Variants in ARIH2 observed in about 807,000 individuals in gnomAD.
The protein encoded by ARIH2 is ariadne RBR E3 ubiquitin protein ligase 2.
ARIH2 carries 12 observed loss-of-function variants against 79.8 expected under a neutral mutation model. The observed-to-expected ratio is 0.15, with a 90% CI of 0.10 to 0.24. ARIH2 has a LOEUF of 0.24. Ranked by LOEUF, ARIH2 falls within the 10% of genes least tolerant of loss-of-function variation. The probability of loss-of-function intolerance (pLI) is 1.00; values close to 1 mark genes in which losing one functional copy is unlikely to be tolerated. For missense variants in ARIH2, 301 were observed against 618.3 expected, an observed-to-expected ratio of 0.49 and a Z score of 5.44; for synonymous variants, 224 against 213.9, an observed-to-expected ratio of 1.05 and a Z score of -0.41.
At chr3:48,959,691 T>C (rs1241474562) in intron 3 of ARIH2, among the ~76,000 whole-genome samples, 1 of 140,830 alleles carries the variant, frequency 7.1e-6, no homozygotes, top group Non-Finnish European at 1.5e-5. Context: ...GAAAATACAG[T>C]GGCAGCATGC....
intron 5 of ARIH2, among the ~76,000 whole-genome samples, 196 bp from the exon 6 acceptor site, chr3:48,966,929 C>T (rs529746086): frequency 6.6e-6 from 1 of 152,168 alleles, no homozygotes; most frequent in East Asian, 1.9e-4. Flanking sequence ...GCCCAGCTGC[C>T]ACCTCCTTCA....
At chr3:48,958,812 C>T (rs2090910650) in intron 3 of ARIH2, among the ~76,000 whole-genome samples, 1 of 152,060 alleles carries the variant, frequency 6.6e-6, no homozygotes, top group South Asian at 2.1e-4. Flanking sequence ...CTTAGGAGTT[C>T]AGGACTGAAC....
intron 2 of ARIH2, among the ~76,000 whole-genome samples, chr3:48,924,316 G>A (rs560613602): frequency 1.3e-4 from 20 of 151,560 alleles, no homozygotes; most frequent in African/African-American, 4.8e-4. Flanking sequence ...ACTGTACGTG[G>A]GCCTTTTTTT....
At chr3:48,961,743 T>C in intron 4 of ARIH2, 64 bp downstream of exon 4, 1 of 1,133,868 alleles carries the variant, frequency 8.8e-7, no homozygotes. Flanking sequence ...GTGATTATTG[T>C]TTACATTTTG....
chr3:48,928,067 A>T, intron 3 of ARIH2: 1 of 470,904 alleles, frequency 2.1e-6, no homozygotes, highest in Non-Finnish European at 3.8e-6. Context: ...AAGATGTACC[A>T]TACCAGAAAT....
intron 3 of ARIH2, chr3:48,934,647 T>G (rs2086869686): frequency 1.0e-6 from 1 of 985,332 alleles, no homozygotes; most frequent in Non-Finnish European, 1.2e-6. Flanking sequence ...TTTCACAGTG[T>G]TTTAGTCCAG....
At chr3:48,978,421 ATGTGTGTG>A (rs1188251261) in intron 11 of ARIH2, among the ~76,000 whole-genome samples, 923 of 55,604 alleles carry the variant, frequency 0.017, 5 homozygotes, top group East Asian at 0.06. Context: ...TAATTTGTGT[ATGTGTGTG>A]TGTGTGTGTG....
chr3:48,967,256 C>T lies in ARIH2; in HGVS notation c.519C>T (p.Val173=), dbSNP rs1311715483. ...GGGAGCAGCACTGCTCAGTTCTCGT[C>T]AAGGACGGCGTGGGCGTGGGTGAGT... ...SCWEQHCSVL[V]KDGVGVGVSC... Residue 173 remains valine (V), a synonymous_variant, in exon 6 of 16, where the codon GTC becomes GTT. Transcript: ENST00000356401. 2.5e-6 allele frequency: 4 copies of T among 1,614,156 alleles called. No homozygotes were observed. Among genetic ancestry groups the T allele is most frequent in the Middle Eastern group, 1.6e-4 (1 of 6,062 alleles).
At chr3:48,980,166 A>G (rs2092699388) in intron 12 of ARIH2, 187 bp from the exon 13 acceptor site, 1 of 538,352 alleles carries the variant, frequency 1.9e-6, no homozygotes, top group South Asian at 2.6e-5. Flanking sequence ...ATCTGGCAGT[A>G]AGCATACAGC....
chr3:48,927,956 AT>A, intron 3 of ARIH2, 143 bp downstream of exon 3: 1 of 979,128 alleles, frequency 1.0e-6, no homozygotes, highest in East Asian at 2.5e-5. Flanking sequence ...TCATTTGGAC[AT>A]TTTGTTACAT....
intron 4 of ARIH2, among the ~76,000 whole-genome samples, chr3:48,963,361 T>C (rs1316174825): frequency 6.6e-6 from 1 of 152,168 alleles, no homozygotes; most frequent in African/African-American, 2.4e-5. Context: ...TGGCAAAAGA[T>C]ACTTAAAATA....
chr3:48,937,410 A>C (rs2087314365), intron 3 of ARIH2, among the ~76,000 whole-genome samples: 1 of 151,880 alleles, frequency 6.6e-6, no homozygotes. Flanking sequence ...GTTTACATGA[A>C]TCCCTCCCTG....
chr3:48,933,573 G>A (rs542614500), intron 3 of ARIH2, among the ~76,000 whole-genome samples: 12 of 140,574 alleles, frequency 8.5e-5, no homozygotes, highest in Non-Finnish European at 1.1e-4. Flanking sequence ...TAGTTGAGAC[G>A]GACTCTCGCT....
intron 3 of ARIH2, chr3:48,949,037 A>G: frequency 2.2e-6 from 1 of 456,680 alleles, no homozygotes; most frequent in Non-Finnish European, 4.4e-6. Flanking sequence ...GGCTTAATAT[A>G]GCCATGTGTT....
At chr3:48,983,063 A>G in intron 15 of ARIH2, 84 bp downstream of exon 15, 1 of 1,500,194 alleles carries the variant, frequency 6.7e-7, no homozygotes, top group South Asian at 1.1e-5. Flanking sequence ...TGGCTTGTGC[A>G]CTGGTAGCTG....
At chr3:48,976,155 G>A (rs985809818) in intron 11 of ARIH2, among the ~76,000 whole-genome samples, 2 of 146,294 alleles carry the variant, frequency 1.4e-5, no homozygotes, top group Admixed American at 6.8e-5. Context: ...CAGGTGATCC[G>A]CCTACCTTGG....
chr3:48,943,869 C>T (rs1263300710), intron 3 of ARIH2, among the ~76,000 whole-genome samples: 1 of 152,130 alleles, frequency 6.6e-6, no homozygotes, highest in Non-Finnish European at 1.5e-5. Context: ...CTGTCTTTGC[C>T]TCCTTACAGT....
At chr3:48,948,186 C>T (rs2089462763) in intron 3 of ARIH2, among the ~76,000 whole-genome samples, 2 of 152,078 alleles carry the variant, frequency 1.3e-5, no homozygotes, top group South Asian at 2.1e-4. Flanking sequence ...TGGTCTCGAT[C>T]TCCTGACCTT....
At chr3:48,979,123 A>G (rs2092661904) in intron 11 of ARIH2, among the ~76,000 whole-genome samples, 1 of 152,166 alleles carries the variant, frequency 6.6e-6, no homozygotes, top group Admixed American at 6.5e-5. Context: ...TGCGTTTAAG[A>G]CAGTCAGGTC....
Sources: allele counts gnomAD v4.1 joint callset (sites outside exome capture counted in the v4.1 genomes callset), GRCh38; gene constraint gnomAD v4.1.1; transcripts MANE v1.5; gene names NCBI Gene and HGNC (gene_info 2026-07-23, HGNC 2026-07-21).